The following ELAPOR2 variants were observed in gnomAD, a reference collection of about 807,000 sequenced individuals.
ELAPOR2 encodes the protein endosome-lysosome associated apoptosis and autophagy regulator family member 2.
Under a neutral mutation model 120.7 loss-of-function variants are expected in ELAPOR2, and 89 were observed. That is an observed-to-expected ratio of 0.74 (90% CI 0.62 to 0.88). The LOEUF is 0.88. ELAPOR2 is among the 40% of genes least tolerant of loss of function. The pLI is 0.00. For synonymous variants in ELAPOR2, 444 were observed against 444.9 expected (o/e 1.00, Z 0.03); for missense variants, 1,134 against 1,251.6 (o/e 0.91, Z 1.42).
chr7:86,961,888 C>T (rs924744593), intron 2 of ELAPOR2, among the ~76,000 whole-genome samples: 2 of 152,122 alleles, frequency 1.3e-5, no homozygotes, highest in Non-Finnish European at 2.9e-5. Flanking sequence ...CTGGAGCTAG[C>T]GGAGAGGAGG....
chr7:86,887,961 C>T (rs1269164878), intron 21 of ELAPOR2, among the ~76,000 whole-genome samples: 1 of 152,102 alleles, frequency 6.6e-6, no homozygotes, highest in Non-Finnish European at 1.5e-5. Context: ...TTCTGCCTCA[C>T]CAATCTAGGG....
rs1584334097 is a variant in ELAPOR2 at position 86,907,834 on chromosome 7, A to C, written c.2457-63T>G. The C allele has an allele frequency of 1.2e-5, 10 of 831,404 alleles. No individual in the cohort carries two copies. The East Asian group carries it at 3.0e-4, about 25-fold the overall frequency. The allele number at this position is 831,404 out of a possible 1,614,324, so 51.5% of individuals were successfully genotyped here. ...TAATACAGATTACAAAGACAAAAAT[A>C]TGGGAATAATTGCTCTCAGACTTCA... is the stretch of plus-strand genomic sequence containing the variant. On this transcript the variant is annotated intron_variant, in intron 17 of 21. Coordinates refer to ENST00000450689, the MANE Select transcript of ELAPOR2 (RefSeq NM_001142749.3).
intron 21 of ELAPOR2, among the ~76,000 whole-genome samples, chr7:86,890,849 C>T (rs1052454148): frequency 2.6e-5 from 4 of 151,840 alleles, no homozygotes; most frequent in Non-Finnish European, 5.9e-5. Flanking sequence ...TATTTATGTG[C>T]CTAAATTAGG....
chr7:86,940,435 G>A (rs903596384), intron 5 of ELAPOR2, among the ~76,000 whole-genome samples: 1 of 151,914 alleles, frequency 6.6e-6, no homozygotes, highest in Non-Finnish European at 1.5e-5. Context: ...CATTTTAGAG[G>A]GTGAAAGTCC....
At chr7:87,052,970 T>A (rs145479179) in intron 1 of ELAPOR2, among the ~76,000 whole-genome samples, 295 of 152,198 alleles carry the variant, frequency 1.9e-3, no homozygotes, top group African/African-American at 6.6e-3. Context: ...CTGATTTTTT[T>A]ATTTTTTTGT....
intron 2 of ELAPOR2, among the ~76,000 whole-genome samples, chr7:86,950,417 G>C (rs1261811967): frequency 6.6e-6 from 1 of 152,116 alleles, no homozygotes; most frequent in Admixed American, 6.5e-5. Flanking sequence ...ACCAGACCTG[G>C]AAGCTCCCCA....
intron 1 of ELAPOR2, among the ~76,000 whole-genome samples, chr7:86,977,923 T>C (rs1792334284): frequency 6.6e-6 from 1 of 152,200 alleles, no homozygotes; most frequent in South Asian, 2.1e-4. Flanking sequence ...TTAGAAAATA[T>C]GGATAAGGAT....
chr7:86,919,286 A>G lies in ELAPOR2; in HGVS notation c.1424T>C (p.Ile475Thr), dbSNP rs749304579. ...MNGWEVAGDH[I>T]QSGAGGSDND... ...GTCAGAACCTCCAGCCCCACTCTGG[A>G]TATGATCTCCAGCCACCTCCCAACC... The change falls in exon 11 of 22, where the codon ATC becomes ACC. Residue 475 changes from isoleucine to threonine, a missense_variant. Ile to Thr is a moderately conservative substitution (Grantham distance 89). Transcript: ENST00000450689. 3 of 1,610,570 alleles carry G rather than the reference A, an allele frequency of 1.9e-6. No homozygotes were observed. Among genetic ancestry groups the G allele is most frequent in the Non-Finnish European group, 2.5e-6 (3 of 1,177,942 alleles).
intron 8 of ELAPOR2, 29 bp from the exon 9 acceptor site, chr7:86,926,945 A>C: frequency 7.0e-7 from 1 of 1,426,152 alleles, no homozygotes; most frequent in African/African-American, 1.5e-5. Flanking sequence ...AAAAAAAGCA[A>C]CCAAGTCATA....
At position 87,034,871 on chromosome 7, in the gene ELAPOR2, T is replaced by C. The variant is rs556108599; in HGVS notation, c.189+24454A>G. Among the ~76,000 whole-genome samples, 11 of 152,150 alleles carry C rather than the reference T, an allele frequency of 7.2e-5. No homozygotes were observed. The South Asian group carries it at 2.3e-3, about 32-fold the overall frequency. Reference sequence around the variant, plus strand: ...GCCAAGGCGGCTGGATCACCTAAGGTCAGGAATTCGAGACCAACCTGGCCA... The same window carrying C: ...GCCAAGGCGGCTGGATCACCTAAGGCCAGGAATTCGAGACCAACCTGGCCA... On this transcript the variant is annotated intron_variant, in intron 1 of 21. Coordinates refer to ENST00000450689, the MANE Select transcript of ELAPOR2 (RefSeq NM_001142749.3).
chr7:86,954,992 C>T (rs558480610), intron 2 of ELAPOR2, among the ~76,000 whole-genome samples: 18 of 152,176 alleles, frequency 1.2e-4, no homozygotes, highest in African/African-American at 4.3e-4. Flanking sequence ...GTTCTACTTC[C>T]ATCTCTCATG....
At chr7:86,942,436 C>T (rs1430629929) in intron 4 of ELAPOR2, among the ~76,000 whole-genome samples, 1 of 152,056 alleles carries the variant, frequency 6.6e-6, no homozygotes, top group African/African-American at 2.4e-5. Context: ...AACTACCCAA[C>T]TTACCCAAAC....
chr7:86,907,618 GGA>G, intron 18 of ELAPOR2, 50 bp downstream of exon 18: 1 of 1,063,224 alleles, frequency 9.4e-7, no homozygotes, highest in Non-Finnish European at 1.4e-6. Context: ...GTAACATTCT[GGA>G]GAGTTTTTCT....
chr7:86,888,808 GC>G (rs1165058954), intron 21 of ELAPOR2, among the ~76,000 whole-genome samples: 1 of 152,094 alleles, frequency 6.6e-6, no homozygotes, highest in Non-Finnish European at 1.5e-5. Context: ...AGGCTTACTA[GC>G]CAGCAAAGAA....
Position 87,041,989 on chromosome 7 carries a change from C to A in ELAPOR2, c.189+17336G>T, listed in dbSNP as rs1319821686. Among the ~76,000 whole-genome samples, 3 of 151,368 alleles carry A rather than the reference C, an allele frequency of 2.0e-5. No individual in the cohort carries two copies. The East Asian group carries it at 5.8e-4, about 29-fold the overall frequency. ...GTCTCTGATAAAACAGACTTTAAAC[C>A]AACAAAGATCAAAAGAGACAAAGAA... On this transcript the variant is annotated intron_variant, in intron 1 of 21. Transcript: ENST00000450689.
chr7:87,055,939 A>G (rs1004639283), intron 1 of ELAPOR2, among the ~76,000 whole-genome samples: 4 of 152,202 alleles, frequency 2.6e-5, no homozygotes, highest in African/African-American at 9.6e-5. Flanking sequence ...AGAATCAGCT[A>G]TTTTGTGATT....
intron 21 of ELAPOR2, among the ~76,000 whole-genome samples, chr7:86,884,935 G>T (rs1435683966): frequency 6.6e-6 from 1 of 152,162 alleles, no homozygotes; most frequent in Non-Finnish European, 1.5e-5. Context: ...AGTGGGTCCT[G>T]ACTACAATAC....
intron 21 of ELAPOR2, among the ~76,000 whole-genome samples, chr7:86,890,286 T>C (rs942692776): frequency 6.6e-6 from 1 of 152,092 alleles, no homozygotes; most frequent in East Asian, 1.9e-4. Context: ...TATAAAGATA[T>C]ATTGTCTCCT....
In ELAPOR2 at chr7:86,971,974, AG is replaced by A. The variant is rs1792120416; in HGVS notation, c.190-6951del. Among the ~76,000 whole-genome samples, 5 of 152,320 alleles carry A rather than the reference AG, an allele frequency of 3.3e-5. No individual in the cohort carries two copies. The South Asian group carries it at 1.0e-3, about 32-fold the overall frequency. Reference sequence around the variant, plus strand: ...CCCTGTGGCTATCTGAGGTGGTCAAAGTTTAAAAAGAACCAGGCAACCATGG... The same window carrying A: ...CCCTGTGGCTATCTGAGGTGGTCAAATTTAAAAAGAACCAGGCAACCATGG... On this transcript the variant is annotated intron_variant, in intron 1 of 21. Coordinates refer to ENST00000450689, the MANE Select transcript of ELAPOR2 (RefSeq NM_001142749.3).
Sources: gnomAD v4.1 joint callset for allele counts (sites outside exome capture counted in the v4.1 genomes callset) on GRCh38, gnomAD v4.1.1 for gene constraint, MANE v1.5 for transcripts, NCBI Gene and HGNC (gene_info 2026-07-23, HGNC 2026-07-21) for gene names.